Variants in ESRRG observed in about 807,000 individuals in gnomAD.
ESRRG encodes the protein estrogen-related receptor gamma.
A neutral mutation model predicts 44.0 loss-of-function variants in ESRRG; 13 were observed. The ratio of observed to expected loss-of-function variants is 0.30; its 90% CI spans 0.19 to 0.47. The LOEUF (loss-of-function observed/expected upper bound fraction) is 0.47, where lower values mean the gene tolerates loss of function less well. Ranked by LOEUF, ESRRG falls within the 20% of genes least tolerant of loss-of-function variation. The probability of loss-of-function intolerance (pLI) is 1.00; values close to 1 mark genes in which losing one functional copy is unlikely to be tolerated. For synonymous variants in ESRRG, 215 were observed against 214.6 expected, an observed-to-expected ratio of 1.00 and a Z score of -0.02; for missense variants, 395 against 580.6, an observed-to-expected ratio of 0.68 and a Z score of 3.29.
At chr1:216,705,414 T>TA (rs747444825) in intron 1 of ESRRG, among the ~76,000 whole-genome samples, 2 of 152,142 alleles carry the variant, frequency 1.3e-5, no homozygotes, top group South Asian at 2.1e-4. Flanking sequence ...ATCCCCACTA[T>TA]AAAAAAATCT....
At chr1:216,516,995 T>C (rs555161304) in intron 6 of ESRRG, among the ~76,000 whole-genome samples, 7 of 152,192 alleles carry the variant, frequency 4.6e-5, no homozygotes, top group Admixed American at 2.0e-4. Context: ...GTGGCACAAT[T>C]TGGAGATTAA....
chr1:217,045,415 A>G (rs2084690896), intron 1 of ESRRG, among the ~76,000 whole-genome samples: 1 of 152,222 alleles, frequency 6.6e-6, no homozygotes, highest in African/African-American at 2.4e-5. Flanking sequence ...CCAGACTCAT[A>G]TATTCAAAGT....
intron 3 of ESRRG, among the ~76,000 whole-genome samples, chr1:216,646,800 A>T (rs1208942754): frequency 6.6e-6 from 1 of 152,210 alleles, no homozygotes; most frequent in Non-Finnish European, 1.5e-5. Flanking sequence ...GGCATGAAAT[A>T]ACAAAACTGG....
In ESRRG at chr1:216,886,886, G is replaced by T. The variant is rs199830907; in HGVS notation, c.-14+52696C>A. ...CTACGGGCGTGTAACACCATGCCTG[G>T]CTATTTTGTTTGTTTGTTTGTTTGT... On this transcript the variant is annotated intron_variant, in intron 2 of 7. Coordinates refer to the ESRRG transcript ENST00000359162. 4.6e-5 allele frequency among the ~76,000 whole-genome samples: 7 copies of T among 151,894 alleles called. No individual in the cohort carries two copies. The East Asian group carries it at 1.4e-3, about 29-fold the overall frequency.
chr1:216,586,896 C>T (rs960195581), intron 3 of ESRRG, among the ~76,000 whole-genome samples: 2 of 152,072 alleles, frequency 1.3e-5, no homozygotes, highest in Admixed American at 6.5e-5. Context: ...GCTTTCAACA[C>T]TTTCTTTTAT....
chr1:216,921,575 C>G (rs2061854126), intron 2 of ESRRG, among the ~76,000 whole-genome samples: 1 of 151,938 alleles, frequency 6.6e-6, no homozygotes, highest in African/African-American at 2.4e-5. Context: ...TCCCCAGACA[C>G]CTAGGTGGCT....
chr1:216,534,883 G>A (rs7539548), intron 5 of ESRRG, among the ~76,000 whole-genome samples: 2,552 of 152,152 alleles, frequency 0.017, 79 homozygotes, highest in African/African-American at 0.059. Flanking sequence ...CTCGTTTCAC[G>A]AATGCGACCA....
At chr1:217,127,022 C>A (rs1195109866) in intron 1 of ESRRG, among the ~76,000 whole-genome samples, 1 of 152,198 alleles carries the variant, frequency 6.6e-6, no homozygotes, top group Non-Finnish European at 1.5e-5. Context: ...ACTGAAAAAT[C>A]TCTGCCTAAA....
chr1:216,938,110 T>C (rs2149911175), intron 2 of ESRRG, among the ~76,000 whole-genome samples: 1 of 152,324 alleles, frequency 6.6e-6, no homozygotes. Context: ...TCTTGAAAAG[T>C]TGAGCATGTA....
chr1:216,847,200 A>G lies in ESRRG; in HGVS notation c.-14+92382T>C, dbSNP rs116199259. 3.4e-3 allele frequency among the ~76,000 whole-genome samples: 525 copies of G among 152,202 alleles called. 2 individuals carry two copies. Among genetic ancestry groups the G allele is most frequent in the African/African-American group, 0.012 (509 of 41,538 alleles). ...GCACAATTTGTGCTACTAGGGCTCT[A>G]TATTATTAAAGTTTGAAGATGTGTG... On this transcript the variant is annotated intron_variant, in intron 2 of 7. Coordinates refer to the ESRRG transcript ENST00000359162.
intron 3 of ESRRG, among the ~76,000 whole-genome samples, chr1:216,593,213 TC>T (rs1429194216): frequency 6.6e-6 from 1 of 152,246 alleles, no homozygotes; most frequent in East Asian, 1.9e-4. Flanking sequence ...TAATCTATCT[TC>T]TTTTCCATTG....
intron 1 of ESRRG, among the ~76,000 whole-genome samples, chr1:216,718,650 C>A (rs2085449579): frequency 6.6e-6 from 1 of 151,924 alleles, no homozygotes. Flanking sequence ...TAGGACATGA[C>A]AATTTAATAC....
chr1:217,095,938 A>C (rs1232574440), intron 1 of ESRRG, among the ~76,000 whole-genome samples: 1 of 152,204 alleles, frequency 6.6e-6, no homozygotes, highest in Non-Finnish European at 1.5e-5. Flanking sequence ...ATGGCTGAAG[A>C]AATTTATTTG....
chr1:216,739,752 T>G (rs570892120), intron 2 of ESRRG, among the ~76,000 whole-genome samples: 48 of 152,340 alleles, frequency 3.2e-4, no homozygotes, highest in Middle Eastern at 3.4e-3. Context: ...TCTCAAAATC[T>G]ATTTTGCTAA....
chr1:217,107,681 T>A (rs1245331112), intron 1 of ESRRG, among the ~76,000 whole-genome samples: 3 of 152,184 alleles, frequency 2.0e-5, no homozygotes, highest in Non-Finnish European at 1.5e-5. Flanking sequence ...AATGCTGAAA[T>A]GTATGAAAAA....
intron 2 of ESRRG, among the ~76,000 whole-genome samples, chr1:216,870,316 T>C (rs936785126): frequency 6.6e-6 from 1 of 151,446 alleles, no homozygotes; most frequent in African/African-American, 2.4e-5. Context: ...AGCCTTGCAA[T>C]CCTGGTTTAC....
chr1:216,818,226 G>C, intron 2 of ESRRG, among the ~76,000 whole-genome samples: 1 of 152,268 alleles, frequency 6.6e-6, no homozygotes, highest in Non-Finnish European at 1.5e-5. Flanking sequence ...ATGAAGTGAC[G>C]TTTTTTGTCA....
At position 216,885,929 on chromosome 1, in the gene ESRRG, A is replaced by T. The variant is rs141261247; in HGVS notation, c.-14+53653T>A. 3.1e-3 allele frequency among the ~76,000 whole-genome samples: 474 copies of T among 151,988 alleles called. 2 individuals carry two copies. Among genetic ancestry groups the T allele is most frequent in the African/African-American group, 0.011 (437 of 41,462 alleles). Reference sequence around the variant, plus strand: ...AAGGCCAAACTCATGCCTCATTCCTACAAAAATCCCTTCTTAGAACCTCTA... The same window carrying T: ...AAGGCCAAACTCATGCCTCATTCCTTCAAAAATCCCTTCTTAGAACCTCTA... On this transcript the variant is annotated intron_variant, in intron 2 of 7. Coordinates refer to the ESRRG transcript ENST00000359162.
rs534738465 is a variant in ESRRG, at chr1:216,790,567, G to A, written c.-13-113076C>T. The stretch of plus-strand genomic sequence containing the variant: ...TTGGATAGGATTTTTAACTTGCAAA[G>A]AGGATATGCAAAGATGGAAAAAATC... On this transcript the variant is annotated intron_variant, in intron 2 of 7. Transcript: ENST00000359162. Among the ~76,000 whole-genome samples the A allele has an allele frequency of 4.6e-5, 7 of 152,198 alleles. No homozygotes were observed. In the East Asian group the frequency reaches 1.4e-3, roughly 29 times the overall value.
Sources: gnomAD v4.1 joint callset for allele counts (sites outside exome capture counted in the v4.1 genomes callset) on GRCh38, gnomAD v4.1.1 for gene constraint, MANE v1.5 for transcripts, NCBI Gene and HGNC (gene_info 2026-07-23, HGNC 2026-07-21) for gene names.